The following CDH13 variants were observed in gnomAD, a reference collection of about 807,000 sequenced individuals.
The protein encoded by CDH13 is cadherin 13, also known as cadherin-13.
CDH13 carries 24 observed loss-of-function variants against 63.8 expected under a neutral mutation model. The ratio of observed to expected loss-of-function variants is 0.38; its 90% CI spans 0.27 to 0.53. CDH13 has a LOEUF of 0.53. Ranked by LOEUF, CDH13 falls within the 20% of genes least tolerant of loss-of-function variation. CDH13 has a pLI of 0.85. For missense variants in CDH13, 1,049 were observed against 903.1 expected (o/e 1.16, Z -2.07); for synonymous variants, 503 against 355.3 (o/e 1.42, Z -4.67).
intron 1 of CDH13, among the ~76,000 whole-genome samples, chr16:82,751,092 C>A (rs142272932): frequency 6.6e-6 from 1 of 152,138 alleles, no homozygotes; most frequent in African/African-American, 2.4e-5. Context: ...ATCCAGTTCC[C>A]TATTTAATCA....
intron 5 of CDH13, among the ~76,000 whole-genome samples, chr16:83,225,573 A>G (rs1409071750): frequency 1.3e-5 from 2 of 152,172 alleles, no homozygotes; most frequent in Non-Finnish European, 2.9e-5. Context: ...GATAGGGGAA[A>G]TTAGCCTTGG....
At chr16:82,808,342 C>A (rs1489202868) in intron 1 of CDH13, among the ~76,000 whole-genome samples, 1 of 152,112 alleles carries the variant, frequency 6.6e-6, no homozygotes, top group Non-Finnish European at 1.5e-5. Flanking sequence ...GCCTTTGATA[C>A]CTCTCTGTCT....
intron 5 of CDH13, among the ~76,000 whole-genome samples, chr16:83,329,379 C>T (rs139901572): frequency 1.3e-5 from 2 of 150,122 alleles, no homozygotes; most frequent in Admixed American, 6.7e-5. Flanking sequence ...GCACGTGCCA[C>T]CACACATGGC....
At chr16:83,154,662 A>G (rs575533023) in intron 4 of CDH13, among the ~76,000 whole-genome samples, 3 of 152,302 alleles carry the variant, frequency 2.0e-5, no homozygotes, top group Admixed American at 6.5e-5. Flanking sequence ...GCTGACTGAT[A>G]AAACATTGAC....
At chr16:82,667,745 C>A (rs1368280626) in intron 1 of CDH13, among the ~76,000 whole-genome samples, 1 of 152,092 alleles carries the variant, frequency 6.6e-6, no homozygotes, top group Non-Finnish European at 1.5e-5. Flanking sequence ...CGCCCCCCGC[C>A]TCTCCCCTTC....
At chr16:82,654,279 C>G (rs1911054529) in intron 1 of CDH13, among the ~76,000 whole-genome samples, 3 of 152,106 alleles carry the variant, frequency 2.0e-5, no homozygotes, top group South Asian at 4.2e-4. Context: ...ACATGGTGGT[C>G]TTGGTTTCTT....
At chr16:83,037,900 C>T (rs1917006483) in intron 3 of CDH13, among the ~76,000 whole-genome samples, 1 of 152,128 alleles carries the variant, frequency 6.6e-6, no homozygotes, top group Admixed American at 6.5e-5. Context: ...GGCATAGCAC[C>T]AGACATCAAG....
chr16:83,334,375 A>T (rs1300644702), intron 5 of CDH13, among the ~76,000 whole-genome samples: 2 of 148,276 alleles, frequency 1.3e-5, no homozygotes, highest in African/African-American at 2.5e-5. Context: ...ACACACACAC[A>T]CACACACACA....
chr16:83,207,090 A>G (rs1367269080), intron 4 of CDH13, among the ~76,000 whole-genome samples: 2 of 152,242 alleles, frequency 1.3e-5, no homozygotes, highest in African/African-American at 4.8e-5. Context: ...GTGGCCTACA[A>G]AGAGAAAATA....
At chr16:83,268,222 A>AT in intron 5 of CDH13, among the ~76,000 whole-genome samples, 1 of 152,342 alleles carries the variant, frequency 6.6e-6, no homozygotes, top group South Asian at 2.1e-4. Context: ...AGTGGTGTAT[A>AT]TATACCTATA....
At chr16:82,692,484 C>G (rs1245162608) in intron 1 of CDH13, among the ~76,000 whole-genome samples, 2 of 151,792 alleles carry the variant, frequency 1.3e-5, no homozygotes, top group Non-Finnish European at 2.9e-5. Context: ...ATAAAACCAT[C>G]AGATCTCATG....
In CDH13 at chr16:83,799,064, C is replaced by T. The variant is rs1295108243; in HGVS notation, c.*4034C>T. ...TGGTGACTCATGCCTGTAATCCCAG[C>T]CCTTTGGGAGGCAGAGGCGGGTGGA... is the stretch of plus-strand genomic sequence containing the variant. On this transcript the variant is annotated 3_prime_UTR_variant, in exon 14 of 14. Transcript: ENST00000567109. 1 of 152,072 alleles carries T rather than the reference C, an allele frequency of 6.6e-6. No homozygotes were observed. Among genetic ancestry groups the T allele is most frequent in the African/African-American group, 2.4e-5 (1 of 41,408 alleles). 9.4% of individuals were successfully genotyped at this position (152,072 alleles called of 1,614,324 possible). A position where few individuals can be genotyped will look rare whatever the true frequency, so the allele number is the denominator to read the frequency against.
At chr16:83,697,911 T>C (rs11648841) in intron 10 of CDH13, among the ~76,000 whole-genome samples, 1 of 152,148 alleles carries the variant, frequency 6.6e-6, no homozygotes, top group Admixed American at 6.5e-5. Context: ...GCCTCCCAAA[T>C]TGCTGGGATT....
chr16:83,414,852 G>A (rs1466264404), intron 6 of CDH13, among the ~76,000 whole-genome samples: 2 of 152,108 alleles, frequency 1.3e-5, no homozygotes, highest in Non-Finnish European at 2.9e-5. Flanking sequence ...CTTGTGTATT[G>A]TGAATAGTGC....
chr16:82,869,434 T>A lies in CDH13; in HGVS notation c.157+10961T>A, dbSNP rs567300203. ...GAACAAGGAGTTTGATATGTAACTT[T>A]ATCCTTATTAAAATACCAATGAAAT... On this transcript the variant is annotated intron_variant, in intron 2 of 13. Transcript: ENST00000567109. Among the ~76,000 whole-genome samples, 12 of 152,150 alleles carry A rather than the reference T, an allele frequency of 7.9e-5. No homozygotes were observed. The South Asian group carries it at 1.5e-3, about 18-fold the overall frequency.
chr16:83,097,482 C>G (rs997105017), intron 3 of CDH13, among the ~76,000 whole-genome samples: 4 of 152,104 alleles, frequency 2.6e-5, no homozygotes, highest in African/African-American at 7.2e-5. Flanking sequence ...AATAATGAAC[C>G]ATGCATAATT....
In CDH13 at chr16:83,236,119, A is replaced by G. The variant is rs369104672; in HGVS notation, c.636+18622A>G. Among the ~76,000 whole-genome samples, 64 of 152,294 alleles carry G rather than the reference A, an allele frequency of 4.2e-4. No homozygotes were observed. The South Asian group carries it at 0.011, about 27-fold the overall frequency. On this transcript the variant is annotated intron_variant, in intron 5 of 13. Coordinates refer to ENST00000567109, the MANE Select transcript of CDH13 (RefSeq NM_001257.5). ...AGTCTCCAAAGTATGTGGACGCTCTACTTCTCCCTAGTTTGTGGACCTGAA... is the reference window on the plus strand; with the variant it reads ...AGTCTCCAAAGTATGTGGACGCTCTGCTTCTCCCTAGTTTGTGGACCTGAA...
intron 4 of CDH13, among the ~76,000 whole-genome samples, chr16:83,210,797 G>A (rs1026326127): frequency 1.3e-5 from 2 of 151,358 alleles, no homozygotes; most frequent in Non-Finnish European, 2.9e-5. Flanking sequence ...ACAACGAAAC[G>A]CCACAGTCAC....
intron 6 of CDH13, among the ~76,000 whole-genome samples, chr16:83,435,110 A>G (rs1396682891): frequency 1.3e-5 from 2 of 151,662 alleles, no homozygotes; most frequent in Admixed American, 1.3e-4. Flanking sequence ...GCAACGGCAC[A>G]ATCTCGGCTT....
Sources: gnomAD v4.1 joint callset for allele counts (sites outside exome capture counted in the v4.1 genomes callset) on GRCh38, gnomAD v4.1.1 for gene constraint, MANE v1.5 for transcripts, NCBI Gene and HGNC (gene_info 2026-07-23, HGNC 2026-07-21) for gene names.